WDR7: variants seen among roughly 807,000 people sequenced by gnomAD.
WDR7 encodes WD repeat domain 7.
Under a neutral mutation model 169.4 loss-of-function variants are expected in WDR7, and 46 were observed. That is an observed-to-expected ratio of 0.27 (90% CI 0.21 to 0.35). WDR7 has a LOEUF of 0.35. Ranked by LOEUF, WDR7 falls within the 10% of genes least tolerant of loss-of-function variation. WDR7 has a pLI of 1.00. For synonymous variants in WDR7, 612 were observed against 666.8 expected, an observed-to-expected ratio of 0.92 and a Z score of 1.27; for missense variants, 1,534 against 1,859.3, an observed-to-expected ratio of 0.83 and a Z score of 3.22.
intron 22 of WDR7, among the ~76,000 whole-genome samples, chr18:56,924,461 A>G (rs1342634382): frequency 6.6e-6 from 1 of 152,202 alleles, no homozygotes; most frequent in Non-Finnish European, 1.5e-5. Context: ...TATGGCCAGC[A>G]TACGTGGCCA....
intron 21 of WDR7, among the ~76,000 whole-genome samples, chr18:56,891,595 T>G (rs1418153208): frequency 2.0e-5 from 3 of 152,098 alleles, no homozygotes; most frequent in African/African-American, 4.8e-5. Context: ...GTAGATAGTA[T>G]TATCACCATT....
At chr18:56,708,444 G>A (rs2026010387) in intron 12 of WDR7, among the ~76,000 whole-genome samples, 1 of 152,180 alleles carries the variant, frequency 6.6e-6, no homozygotes, top group Non-Finnish European at 1.5e-5. Flanking sequence ...TAAGTTCTAA[G>A]TTGAGGAGTG....
At position 56,662,822 on chromosome 18, in the gene WDR7, A is replaced by G. The variant is rs116934281; in HGVS notation, c.-19-9675A>G. Among the ~76,000 whole-genome samples, 1,294 of 152,342 alleles carry G rather than the reference A, an allele frequency of 8.5e-3. 6 individuals are homozygous for G. The highest frequency in any genetic ancestry group is 0.014 in the Non-Finnish European group (945 of 68,028). The stretch of plus-strand genomic sequence containing the variant: ...ATCTTCAGATATGGAACATTCTACA[A>G]ACAATTGGTTTGGCTTCTTAAAATT... On this transcript the variant is annotated intron_variant, in intron 1 of 27. Transcript: ENST00000254442.
chr18:56,955,976 C>T (rs1019113522), intron 25 of WDR7, among the ~76,000 whole-genome samples: 1 of 152,144 alleles, frequency 6.6e-6, no homozygotes, highest in Non-Finnish European at 1.5e-5. Flanking sequence ...ATTGCTGATG[C>T]CTGGATAGCC....
At chr18:56,810,486 A>G (rs1325128734) in intron 19 of WDR7, among the ~76,000 whole-genome samples, 1 of 152,202 alleles carries the variant, frequency 6.6e-6, no homozygotes, top group Admixed American at 6.6e-5. Context: ...ATTGATTGGG[A>G]ACAAAATAAT....
At chr18:56,951,940 T>C (rs1455530430) in intron 25 of WDR7, among the ~76,000 whole-genome samples, 1 of 152,214 alleles carries the variant, frequency 6.6e-6, no homozygotes, top group African/African-American at 2.4e-5. Flanking sequence ...TAAAATTATT[T>C]ATTTTGTTTA....
At chr18:56,794,914 T>C (rs1385200850) in intron 19 of WDR7, among the ~76,000 whole-genome samples, 1 of 152,132 alleles carries the variant, frequency 6.6e-6, no homozygotes, top group Admixed American at 6.5e-5. Context: ...GTTTGTAGTG[T>C]GATGAGTTTT....
At chr18:56,810,729 C>T (rs1208008039) in intron 19 of WDR7, among the ~76,000 whole-genome samples, 3 of 152,002 alleles carry the variant, frequency 2.0e-5, no homozygotes, top group Non-Finnish European at 4.4e-5. Context: ...GGCATGGATA[C>T]CTTGGTTGAT....
chr18:56,975,011 G>A (rs763066887), intron 26 of WDR7, among the ~76,000 whole-genome samples: 5 of 152,088 alleles, frequency 3.3e-5, no homozygotes, highest in African/African-American at 9.7e-5. Flanking sequence ...AGGCTGAGGC[G>A]GGTGGATCAC....
rs536884768 is a variant in WDR7, at chr18:56,684,243, A to G, written c.520+1390A>G. Among the ~76,000 whole-genome samples, 6 of 152,284 alleles carry G rather than the reference A, an allele frequency of 3.9e-5. No homozygotes were observed. The South Asian group carries it at 1.2e-3, about 32-fold the overall frequency. ...AGTATGAGGGAAGGAGTGGCAGGAT[A>G]TAAGGCTGGCAGAGCTGGCAGGAGA... On this transcript the variant is annotated intron_variant, in intron 5 of 27. Transcript: ENST00000254442.
At chr18:56,863,465 A>T (rs2045837391) in intron 20 of WDR7, among the ~76,000 whole-genome samples, 1 of 151,682 alleles carries the variant, frequency 6.6e-6, no homozygotes, top group African/African-American at 2.4e-5. Context: ...TGAGGTTTTG[A>T]AGGAGTGTAC....
At chr18:56,721,229 G>T (rs1019031466) in intron 13 of WDR7, among the ~76,000 whole-genome samples, 3 of 152,066 alleles carry the variant, frequency 2.0e-5, no homozygotes, top group African/African-American at 7.2e-5. Flanking sequence ...TCTAGTTATT[G>T]TTTTGAGTTA....
chr18:56,830,644 T>G (rs2145279561), intron 20 of WDR7, among the ~76,000 whole-genome samples: 1 of 152,328 alleles, frequency 6.6e-6, no homozygotes, highest in East Asian at 1.9e-4. Flanking sequence ...TCAGATATAT[T>G]TGTGTGGAAG....
chr18:56,982,560 T>C (rs1024549626), intron 26 of WDR7, among the ~76,000 whole-genome samples: 3 of 152,190 alleles, frequency 2.0e-5, no homozygotes, highest in African/African-American at 7.2e-5. Context: ...GAGCTTCTTT[T>C]CTAATTTTTC....
intron 14 of WDR7, among the ~76,000 whole-genome samples, chr18:56,754,271 GTGTGTGTGTGTGTGTATA>G (rs1246952563): frequency 1.4e-5 from 2 of 147,584 alleles, no homozygotes; most frequent in Middle Eastern, 3.5e-3. Flanking sequence ...GTGTGTGTGT[GTGTGTGTGTGTGTGTATA>G]TGTGTGTGTG....
chr18:56,730,208 G>A (rs1313908950), intron 13 of WDR7, among the ~76,000 whole-genome samples: 1 of 152,180 alleles, frequency 6.6e-6, no homozygotes, highest in Non-Finnish European at 1.5e-5. Flanking sequence ...TTTACATTCT[G>A]GGTGGAGAGA....
chr18:56,865,819 A>T (rs2045875794), intron 20 of WDR7, among the ~76,000 whole-genome samples: 1 of 152,182 alleles, frequency 6.6e-6, no homozygotes, highest in Non-Finnish European at 1.5e-5. Context: ...TGTAGTTCAT[A>T]TGCTTGATAG....
chr18:56,945,968 A>T (rs1263084284), intron 25 of WDR7, among the ~76,000 whole-genome samples: 1 of 152,230 alleles, frequency 6.6e-6, no homozygotes, highest in African/African-American at 2.4e-5. Context: ...CCTTCATCCC[A>T]TGCATTCCAG....
chr18:56,966,659 C>T (rs960592667), intron 26 of WDR7, among the ~76,000 whole-genome samples: 1 of 152,056 alleles, frequency 6.6e-6, no homozygotes, highest in African/African-American at 2.4e-5. Flanking sequence ...TGACTTTTAA[C>T]TCTGAGGGAG....
Sources: gnomAD v4.1 joint callset for allele counts (sites outside exome capture counted in the v4.1 genomes callset) on GRCh38, gnomAD v4.1.1 for gene constraint, MANE v1.5 for transcripts, NCBI Gene and HGNC (gene_info 2026-07-23, HGNC 2026-07-21) for gene names.